IL1RAPL2: variants seen among roughly 807,000 people sequenced by gnomAD.
IL1RAPL2 encodes the protein X-linked interleukin-1 receptor accessory protein-like 2.
A neutral mutation model predicts 44.1 loss-of-function variants in IL1RAPL2; 3 were observed. The ratio of observed to expected loss-of-function variants is 0.07; its 90% CI spans 0.03 to 0.18. IL1RAPL2 has a LOEUF of 0.18. Ranked by LOEUF, IL1RAPL2 falls within the 10% of genes least tolerant of loss-of-function variation. The pLI, the probability that IL1RAPL2 is intolerant of heterozygous loss-of-function variation, is 1.00. For synonymous variants in IL1RAPL2, 181 were observed against 178.8 expected, an observed-to-expected ratio of 1.01 and a Z score of -0.10; for missense variants, 391 against 496.4, an observed-to-expected ratio of 0.79 and a Z score of 2.02.
chrX:105,181,945 T>C (rs2033535387), intron 2 of IL1RAPL2, among the ~76,000 whole-genome samples: 1 of 108,450 alleles, frequency 9.2e-6, no homozygotes, highest in African/African-American at 3.4e-5. Context: ...CGGGCGCCTG[T>C]AGTCCCAGCT....
chrX:104,840,510 C>A (rs1921872476), intron 2 of IL1RAPL2, among the ~76,000 whole-genome samples: 1 of 111,373 alleles, frequency 9.0e-6, no homozygotes, highest in South Asian at 3.8e-4. Context: ...ACAATAAGTG[C>A]CATGCAACAC....
At chrX:104,999,001 A>G (rs934339912) in intron 2 of IL1RAPL2, among the ~76,000 whole-genome samples, 2 of 111,137 alleles carry the variant, frequency 1.8e-5, no homozygotes, top group African/African-American at 3.3e-5. Flanking sequence ...GGGTCTCACT[A>G]TGTGACCCAG....
intron 1 of IL1RAPL2, among the ~76,000 whole-genome samples, chrX:104,587,709 T>C (rs1375520025): frequency 1.8e-5 from 2 of 112,406 alleles, no homozygotes; most frequent in African/African-American, 6.5e-5. Context: ...TCAATCATAG[T>C]AATAAATTAG....
At chrX:105,488,389 A>G (rs1602434395) in intron 6 of IL1RAPL2, among the ~76,000 whole-genome samples, 1 of 112,027 alleles carries the variant, frequency 8.9e-6, no homozygotes, top group East Asian at 2.8e-4. Flanking sequence ...TAGCACCAAG[A>G]CACCAATATA....
chrX:104,608,882 G>T (rs1423298621), intron 1 of IL1RAPL2, among the ~76,000 whole-genome samples: 2 of 110,832 alleles, frequency 1.8e-5, no homozygotes, highest in Non-Finnish European at 3.8e-5. Flanking sequence ...GTGTGAATTT[G>T]GTCCTGTCAT....
At chrX:104,917,266 C>G (rs913985297) in intron 2 of IL1RAPL2, among the ~76,000 whole-genome samples, 2 of 111,384 alleles carry the variant, frequency 1.8e-5, no homozygotes, top group Non-Finnish European at 3.8e-5. Flanking sequence ...TAGTTGTTTT[C>G]TAGTTTATTG....
chrX:105,000,062 T>C (rs1235645244), intron 2 of IL1RAPL2, among the ~76,000 whole-genome samples: 1 of 110,946 alleles, frequency 9.0e-6, no homozygotes, highest in Admixed American at 9.6e-5. Flanking sequence ...AACTTCTTTT[T>C]CCTCTTTCAT....
intron 10 of IL1RAPL2, among the ~76,000 whole-genome samples, chrX:105,762,822 A>G (rs1418896783): frequency 1.8e-5 from 2 of 111,932 alleles, no homozygotes; most frequent in Non-Finnish European, 3.8e-5. Context: ...ATTTGCCGGA[A>G]CAAGTCAAGG....
intron 5 of IL1RAPL2, among the ~76,000 whole-genome samples, chrX:105,430,170 T>A (rs1183058595): frequency 3.6e-5 from 4 of 111,851 alleles, no homozygotes; most frequent in Non-Finnish European, 5.7e-5. Context: ...AACCCCAGTA[T>A]GACAATAATA....
At chrX:105,638,297 T>C (rs1368460295) in intron 6 of IL1RAPL2, among the ~76,000 whole-genome samples, 10 of 110,861 alleles carry the variant, frequency 9.0e-5, no homozygotes, top group South Asian at 3.9e-4. Flanking sequence ...TACTTGTTTG[T>C]TTGATGTTAT....
intron 5 of IL1RAPL2, among the ~76,000 whole-genome samples, chrX:105,442,660 C>T (rs1231615745): frequency 3.6e-5 from 4 of 112,191 alleles, no homozygotes; most frequent in Non-Finnish European, 7.5e-5. Context: ...ATTATTTACA[C>T]CCGAATCTTT....
chrX:105,750,864 GA>G (rs5903270), intron 9 of IL1RAPL2, among the ~76,000 whole-genome samples: 3 of 108,135 alleles, frequency 2.8e-5, no homozygotes, highest in Non-Finnish European at 5.8e-5. Context: ...TCTGTACACA[GA>G]AAAAAAAACT....
intron 2 of IL1RAPL2, among the ~76,000 whole-genome samples, chrX:104,788,932 C>A (rs1315048798): frequency 1.8e-5 from 2 of 111,641 alleles, no homozygotes; most frequent in African/African-American, 6.5e-5. Flanking sequence ...GAGTTCTAAT[C>A]CCCTCCTCTG....
chrX:105,364,511 G>A (rs1220030597), intron 5 of IL1RAPL2, among the ~76,000 whole-genome samples: 1 of 110,617 alleles, frequency 9.0e-6, no homozygotes, highest in Non-Finnish European at 1.9e-5. Flanking sequence ...ATCACTTTGG[G>A]TATTACAGGT....
intron 2 of IL1RAPL2, among the ~76,000 whole-genome samples, chrX:105,043,191 C>G (rs892678433): frequency 9.2e-6 from 1 of 109,088 alleles, no homozygotes; most frequent in African/African-American, 3.3e-5. Context: ...AACTAACCTG[C>G]ACATTGTGCA....
chrX:104,625,069 T>G (rs1929474489), intron 1 of IL1RAPL2, among the ~76,000 whole-genome samples: 1 of 111,850 alleles, frequency 8.9e-6, no homozygotes, highest in African/African-American at 3.2e-5. Flanking sequence ...CTTTTGTTTT[T>G]ATACTGTTCT....
chrX:104,662,097 T>G (rs1930412542), intron 2 of IL1RAPL2, among the ~76,000 whole-genome samples: 4 of 112,280 alleles, frequency 3.6e-5, no homozygotes, highest in African/African-American at 1.3e-4. Context: ...GGAAAAGAAC[T>G]TAGTAACAGA....
intron 5 of IL1RAPL2, among the ~76,000 whole-genome samples, chrX:105,365,734 A>G (rs1007350733): frequency 9.0e-6 from 1 of 110,732 alleles, no homozygotes; most frequent in South Asian, 3.8e-4. Context: ...TGTGGTATCA[A>G]TTGTAATGTC....
chrX:104,703,068 A>G (rs1373944880), intron 2 of IL1RAPL2, among the ~76,000 whole-genome samples: 1 of 111,351 alleles, frequency 9.0e-6, no homozygotes, highest in Non-Finnish European at 1.9e-5. Flanking sequence ...TAGTTCTCCT[A>G]TACCATCCCT....
Sources: gnomAD v4.1 joint callset for allele counts (sites outside exome capture counted in the v4.1 genomes callset) on GRCh38, gnomAD v4.1.1 for gene constraint, MANE v1.5 for transcripts, NCBI Gene and HGNC (gene_info 2026-07-23, HGNC 2026-07-21) for gene names.